Variants in FAF1 observed in about 807,000 individuals in gnomAD.
FAF1 encodes FAS-associated factor 1.
A neutral mutation model predicts 92.5 loss-of-function variants in FAF1; 25 were observed. The observed-to-expected ratio is 0.27, with a 90% CI of 0.20 to 0.38. The LOEUF (loss-of-function observed/expected upper bound fraction) is 0.38. FAF1 is among the 10% of genes least tolerant of loss of function. The pLI is 1.00. For missense variants in FAF1, 636 were observed against 793.3 expected (o/e 0.80, Z 2.38); for synonymous variants, 234 against 273.2 (o/e 0.86, Z 1.42).
At chr1:50,826,377 C>T (rs1644097754) in intron 2 of FAF1, among the ~76,000 whole-genome samples, 1 of 151,708 alleles carries the variant, frequency 6.6e-6, no homozygotes, top group South Asian at 2.1e-4. Context: ...ATGGTGAAAC[C>T]CCGTCTCTAC....
At chr1:50,943,388 T>C (rs1015130606) in intron 1 of FAF1, among the ~76,000 whole-genome samples, 6 of 152,308 alleles carry the variant, frequency 3.9e-5, no homozygotes, top group African/African-American at 1.2e-4. Flanking sequence ...TGTATTGATC[T>C]TTCCTTTTGG....
chr1:50,890,064 G>A (rs567794267), intron 1 of FAF1, among the ~76,000 whole-genome samples: 22 of 152,220 alleles, frequency 1.4e-4, no homozygotes, highest in Admixed American at 1.2e-3. Flanking sequence ...TTGGGTGCAT[G>A]TATATTTAGG....
intron 17 of FAF1, among the ~76,000 whole-genome samples, chr1:50,485,659 G>A: frequency 1.1e-5 from 1 of 90,070 alleles, no homozygotes; most frequent in East Asian, 3.6e-4. Flanking sequence ...AACAGAGCGA[G>A]ACTGTCTCAA....
At chr1:50,682,416 CTGAT>C (rs1246385084) in intron 7 of FAF1, among the ~76,000 whole-genome samples, 9 of 151,968 alleles carry the variant, frequency 5.9e-5, no homozygotes, top group Admixed American at 3.3e-4. Context: ...GGTGGGAGAA[CTGAT>C]TGATTGAGCA....
chr1:50,441,116 T>A lies in FAF1; in HGVS notation c.*324A>T, dbSNP rs1209711346. ...TGTCCTAGACACTGTGGGGAAAAGATGGGCACTGGAGAGGTAAAAATTCTA... is the reference window on the plus strand; with the variant it reads ...TGTCCTAGACACTGTGGGGAAAAGAAGGGCACTGGAGAGGTAAAAATTCTA... On this transcript the variant is annotated 3_prime_UTR_variant, in exon 19 of 19. Coordinates refer to ENST00000396153, the MANE Select transcript of FAF1 (RefSeq NM_007051.3). 1 of 224,132 alleles carries A rather than the reference T, an allele frequency of 4.5e-6. No homozygotes were observed. The highest frequency in any genetic ancestry group is 2.3e-5 in the African/African-American group (1 of 44,182). 13.9% of individuals were successfully genotyped at this position (224,132 alleles called of 1,614,324 possible). A position where few individuals can be genotyped will look rare whatever the true frequency, so the allele number is the denominator to read the frequency against.
At chr1:50,884,523 A>T (rs904729660) in intron 1 of FAF1, among the ~76,000 whole-genome samples, 1 of 144,560 alleles carries the variant, frequency 6.9e-6, no homozygotes, top group African/African-American at 2.7e-5. Flanking sequence ...CTCTGTCTCA[A>T]AAAAAAAAAA....
chr1:50,559,723 T>C (rs1475137150), intron 13 of FAF1, among the ~76,000 whole-genome samples: 3 of 152,174 alleles, frequency 2.0e-5, no homozygotes, highest in African/African-American at 7.2e-5. Context: ...GATGTAATCA[T>C]GGAACAGGAG....
At chr1:50,845,856 C>G (rs1644294429) in intron 2 of FAF1, among the ~76,000 whole-genome samples, 1 of 152,040 alleles carries the variant, frequency 6.6e-6, no homozygotes, top group East Asian at 1.9e-4. Context: ...GGCGTGGTGG[C>G]TCATGCCTGT....
At chr1:50,443,949 C>A (rs778925004) in intron 18 of FAF1, among the ~76,000 whole-genome samples, 1 of 152,156 alleles carries the variant, frequency 6.6e-6, no homozygotes, top group Admixed American at 6.5e-5. Context: ...CTCTGGAGAC[C>A]CCCGTCTACA....
chr1:50,484,462 C>A (rs1468958614), intron 17 of FAF1, among the ~76,000 whole-genome samples: 1 of 151,954 alleles, frequency 6.6e-6, no homozygotes, highest in African/African-American at 2.4e-5. Context: ...TATATAGTCT[C>A]CATAATTATA....
Position 50,584,717 on chromosome 1 carries a change from A to G in FAF1, c.935T>C (p.Met312Thr), listed in dbSNP as rs775452819. Residue 312 changes from methionine to threonine, a missense_variant, in exon 10 of 19, where the codon ATG (methionine) becomes ACG (threonine). Met to Thr is a moderately conservative substitution (Grantham distance 81). Coordinates refer to ENST00000396153, the MANE Select transcript of FAF1 (RefSeq NM_007051.3). The part of the protein sequence containing the change: ...FGVDDGEVFG[M>T]ASSALRKSPM... ...AGATTTTCTCAAGGCAGATGACGCCATGCCAAATACTTCTCCATCATCCAC... is the reference window on the plus strand; with the variant it reads ...AGATTTTCTCAAGGCAGATGACGCCGTGCCAAATACTTCTCCATCATCCAC... 1 of 1,613,690 alleles carries G rather than the reference A, an allele frequency of 6.2e-7. No individual in the cohort carries two copies. Among genetic ancestry groups the G allele is most frequent in the South Asian group, 1.1e-5 (1 of 91,058 alleles).
rs115427752 is a variant in FAF1, at chr1:50,650,583, G to T, written c.744+4859C>A. Among the ~76,000 whole-genome samples the T allele has an allele frequency of 8.7e-3, 1,328 of 151,998 alleles. 6 individuals are homozygous for T. The highest frequency in any genetic ancestry group is 0.014 in the Non-Finnish European group (921 of 67,982). Reference sequence around the variant, plus strand: ...TGCAGTCAGCTGAGATCTCACCACCGCACTCCACCCTGGGTGACAGAGCAA... The same window carrying T: ...TGCAGTCAGCTGAGATCTCACCACCTCACTCCACCCTGGGTGACAGAGCAA... On this transcript the variant is annotated intron_variant, in intron 8 of 18. Transcript: ENST00000396153.
chr1:50,630,665 C>G (rs916868447), intron 8 of FAF1, among the ~76,000 whole-genome samples: 1 of 152,006 alleles, frequency 6.6e-6, no homozygotes, highest in African/African-American at 2.4e-5. Flanking sequence ...CAGTGGATGA[C>G]AAAATTCTGG....
At chr1:50,727,811 C>A (rs1199436355) in intron 6 of FAF1, among the ~76,000 whole-genome samples, 1 of 152,146 alleles carries the variant, frequency 6.6e-6, no homozygotes, top group Non-Finnish European at 1.5e-5. Context: ...ACTCCAAGTT[C>A]TTCAGCTCCA....
rs766137391 is a variant in FAF1 at position 50,567,238 on chromosome 1, A to G, written c.1114-7T>C. ...AGATAGCAAGAAGCTTTCTCTGAAA[A>G]GAGGAGAAAAATCTGATCAATTAAA... On this transcript the variant is annotated splice_polypyrimidine_tract_variant and splice_region_variant and intron_variant, in intron 12 of 18. Coordinates refer to ENST00000396153, the MANE Select transcript of FAF1 (RefSeq NM_007051.3). 3.2e-6 allele frequency: 5 copies of G among 1,585,390 alleles called. No homozygotes were observed. The East Asian group carries it at 6.7e-5, about 21-fold the overall frequency.
At chr1:50,594,278 G>A (rs921476058) in intron 9 of FAF1, among the ~76,000 whole-genome samples, 4 of 150,076 alleles carry the variant, frequency 2.7e-5, no homozygotes, top group Non-Finnish European at 4.4e-5. Context: ...TCGCACCATT[G>A]CACTCCAGCC....
At chr1:50,759,758 A>C (rs1200795827) in intron 4 of FAF1, among the ~76,000 whole-genome samples, 1 of 152,186 alleles carries the variant, frequency 6.6e-6, no homozygotes, top group Non-Finnish European at 1.5e-5. Context: ...ACTAGTTTAC[A>C]GTCACACCAA....
intron 12 of FAF1, among the ~76,000 whole-genome samples, chr1:50,574,861 A>C (rs1650636547): frequency 6.6e-6 from 1 of 151,544 alleles, no homozygotes; most frequent in Non-Finnish European, 1.5e-5. Flanking sequence ...ATATCATAAA[A>C]ACAAGCTGTG....
At chr1:50,958,824 AG>A (rs1557604856) in intron 1 of FAF1, among the ~76,000 whole-genome samples, 2 of 152,250 alleles carry the variant, frequency 1.3e-5, no homozygotes, top group Non-Finnish European at 2.9e-5. Flanking sequence ...ATTAAAAAAG[AG>A]GGAAAAGTCT....
Sources: allele counts gnomAD v4.1 joint callset (sites outside exome capture counted in the v4.1 genomes callset), GRCh38; gene constraint gnomAD v4.1.1; transcripts MANE v1.5; gene names NCBI Gene and HGNC (gene_info 2026-07-23, HGNC 2026-07-21).